The following PRX variants were observed in gnomAD, a reference collection of about 807,000 sequenced individuals.
The protein encoded by PRX is periaxin.
Under a neutral mutation model 29.6 loss-of-function variants are expected in PRX, and 24 were observed. The ratio of observed to expected loss-of-function variants is 0.81; its 90% CI spans 0.59 to 1.14. The LOEUF (loss-of-function observed/expected upper bound fraction) is 1.14. Ranked by LOEUF, PRX falls within the 50% of genes most tolerant of loss-of-function variation. The pLI is 0.00. For synonymous variants in PRX, 772 were observed against 831.7 expected, an observed-to-expected ratio of 0.93 and a Z score of 1.24; for missense variants, 1,838 against 1,926.4, an observed-to-expected ratio of 0.95 and a Z score of 0.86.
At position 40,394,013 on chromosome 19, in the gene PRX, C is replaced by A; in HGVS notation, c.4339G>T (p.Ala1447Ser). Residue 1447 changes from alanine to serine, a missense_variant, in exon 7 of 7, where the codon GCT (alanine) becomes TCT (serine). Coordinates refer to ENST00000324001, the MANE Select transcript of PRX (RefSeq NM_181882.3). The surrounding 1 kb of genome is among the most constrained non-coding windows in gnomAD (Gnocchi z 5.8). The stretch of plus-strand genomic sequence containing the variant: ...CCCTCCATCCTGGCCGGGCCTGGAG[C>A]CCCTGTCTCTGAAAACCCCACGCTG... Reference protein sequence around the residue: ...LPSVGFSETGAPGPARMEGAQ... With the variant: ...LPSVGFSETGSPGPARMEGAQ... The A allele has an allele frequency of 6.2e-7, 1 of 1,613,590 alleles. No homozygotes were observed. The highest frequency in any genetic ancestry group is 1.1e-5 in the South Asian group (1 of 91,076).
At chr19:40,410,922 CATA>C (rs1306152369) in intron 1 of PRX, among the ~76,000 whole-genome samples, 4 of 152,158 alleles carry the variant, frequency 2.6e-5, no homozygotes, top group African/African-American at 9.7e-5. Context: ...GCTGGACAAT[CATA>C]ATAACAACTG....
In PRX at chr19:40,397,035, T is replaced by C. The variant is rs748344923; in HGVS notation, c.1317A>G (p.Gly439=). 1 of 1,614,046 alleles carries C rather than the reference T, an allele frequency of 6.2e-7. No homozygotes were observed. The highest frequency in any genetic ancestry group is 2.2e-5 in the East Asian group (1 of 44,872). ...GAGCCTTGGGGAGCTTCACTTCAGGTCCCTTGGGCACCTTGACCTCGGGCC... is the reference window on the plus strand; with the variant it reads ...GAGCCTTGGGGAGCTTCACTTCAGGCCCCTTGGGCACCTTGACCTCGGGCC... ...VSGPEVKVPK[G]PEVKLPKAPE... is the part of the protein sequence containing the mutation. The change falls in exon 7 of 7, where the codon GGA becomes GGG. Residue 439 remains glycine (G), a synonymous_variant. Transcript: ENST00000324001.
Position 40,398,606 on chromosome 19 carries a change from C to T in PRX, c.381+14G>A. 3 of 1,612,630 alleles carry T rather than the reference C, an allele frequency of 1.9e-6. No individual in the cohort carries two copies. The highest frequency in any genetic ancestry group is 1.7e-6 in the Non-Finnish European group (2 of 1,179,692). ...GGGGCAGTCCAGGGCCGGGGCCGGG[C>T]TAAGCACGCGTACCAGCTTGGCCAC... is the stretch of plus-strand genomic sequence containing the variant. On this transcript the variant is annotated intron_variant, in intron 6 of 6. Coordinates refer to ENST00000324001, the MANE Select transcript of PRX (RefSeq NM_181882.3). This position sits in a 1 kb window ranked among gnomAD's most constrained non-coding sequence, Gnocchi z 6.3.
Position 40,395,740 on chromosome 19 carries a change from A to T in PRX, c.2612T>A (p.Val871Asp). 6.5e-7 allele frequency: 1 copy of T among 1,544,396 alleles called. No homozygotes were observed. The highest frequency in any genetic ancestry group is 2.4e-5 in the East Asian group (1 of 41,266). Residue 871 changes from valine to aspartate, a missense_variant, in exon 7 of 7, where the codon GTC (valine) becomes GAC (aspartate). Val to Asp is a radical substitution (Grantham distance 152). This residue lies in a region of PRX where 1,143 missense variants were observed against 1,193.0 expected (regional missense o/e 0.96). Coordinates refer to ENST00000324001, the MANE Select transcript of PRX (RefSeq NM_181882.3). The part of the protein sequence containing the change: ...LPGALGLQGQ[V>D]PAAKMGKGER... ...TCCCTTGCCCATTTTAGCGGCTGGG[A>T]CCTGCCCCTGCAGGCCAAGTGCTCC... is the stretch of plus-strand genomic sequence containing the variant.
Position 40,397,238 on chromosome 19 carries a change from C to T in PRX, c.1114G>A (p.Val372Ile). The change falls in exon 7 of 7, where the codon GTT (valine) becomes ATT (isoleucine). Residue 372 changes from valine to isoleucine, a missense_variant. Around this residue, in one of 3 missense-constraint regions of PRX, gnomAD observed 666 missense variants for 665.0 expected, o/e 1.00. Coordinates refer to ENST00000324001, the MANE Select transcript of PRX (RefSeq NM_181882.3). ...ACCTTGGCTACCTTGGCCTCAGCAA[C>T]TTCCTTTGCTCGAGCCCCAAATCGG... ...FPRFGARAKE[V>I]AEAKVAKVSP... 6.2e-7 allele frequency: 1 copy of T among 1,613,882 alleles called. No homozygotes were observed. The highest frequency in any genetic ancestry group is 8.5e-7 in the Non-Finnish European group (1 of 1,180,032).
At position 40,398,361 on chromosome 19, in the gene PRX, T is replaced by G. The variant is rs977311702; in HGVS notation, c.381+259A>C. The G allele has an allele frequency of 1.4e-6, 2 of 1,434,016 alleles. No individual in the cohort carries two copies. The highest frequency in any genetic ancestry group is 1.8e-6 in the Non-Finnish European group (2 of 1,099,066). 88.8% of individuals were successfully genotyped at this position (1,434,016 alleles called of 1,614,324 possible). On this transcript the variant is annotated intron_variant, in intron 6 of 6. Coordinates refer to ENST00000324001, the MANE Select transcript of PRX (RefSeq NM_181882.3). This position sits in a 1 kb window ranked among gnomAD's most constrained non-coding sequence, Gnocchi z 6.3. ...GCTTTCCTGGTTCGAAGTAGCCTGG[T>G]TCAGGACCCCTAGCAAGCCTGGATC...
intron 5 of PRX, among the ~76,000 whole-genome samples, chr19:40,402,079 T>A (rs1352623706): frequency 6.6e-6 from 1 of 152,012 alleles, no homozygotes; most frequent in Admixed American, 6.5e-5. Flanking sequence ...TAGGCCGGCC[T>A]CGGTGGCTCA....
rs762403848 is a variant in PRX at position 40,397,731 on chromosome 19, C to T, written c.621G>A (p.Leu207=). The part of the protein sequence containing the change: ...EVAEEAQAAR[L]AAAAPPPRKA... Reference sequence around the variant, plus strand: ...TCCTGGGGGGAGGAGCGGCGGCGGCCAGCCGGGCTGCCTGAGCCTCTTCGG... The same window carrying T: ...TCCTGGGGGGAGGAGCGGCGGCGGCTAGCCGGGCTGCCTGAGCCTCTTCGG... Residue 207 remains leucine, a synonymous_variant, in exon 7 of 7, where the codon CTG becomes CTA. Transcript: ENST00000324001. 6.4e-6 allele frequency: 10 copies of T among 1,561,202 alleles called. No homozygotes were observed. In the South Asian group the frequency reaches 1.1e-4, roughly 16 times the overall value.
intron 5 of PRX, among the ~76,000 whole-genome samples, chr19:40,402,270 C>G (rs1261958118): frequency 6.6e-6 from 1 of 151,256 alleles, no homozygotes; most frequent in East Asian, 2.0e-4. Context: ...AGGAGAATGG[C>G]GTGAACACGG....
intron 1 of PRX, among the ~76,000 whole-genome samples, chr19:40,411,147 C>T (rs11881681): frequency 0.055 from 8,408 of 152,190 alleles, 783 homozygotes; most frequent in African/African-American, 0.19. Flanking sequence ...CCGTGCCTGC[C>T]CTTCACCCCT....
In PRX at chr19:40,394,577, C is replaced by T. The variant is rs751742049; in HGVS notation, c.3775G>A (p.Glu1259Lys). ...TLGARARVGG[E>K]GAEEQPPGAE... Reference sequence around the variant, plus strand: ...CCTGGGGGCTGCTCCTCAGCACCCTCGCCCCCCACCCTAGCTCTGGCCCCC... The same window carrying T: ...CCTGGGGGCTGCTCCTCAGCACCCTTGCCCCCCACCCTAGCTCTGGCCCCC... Residue 1259 changes from glutamate to lysine, a missense_variant, in exon 7 of 7, where the codon GAG becomes AAG. Physicochemically the swap from Glu to Lys is moderately conservative, Grantham distance 56. Around this residue, in one of 3 missense-constraint regions of PRX, gnomAD observed 1,143 missense variants for 1,193.0 expected, o/e 0.96. Transcript: ENST00000324001. This position sits in a 1 kb window ranked among gnomAD's most constrained non-coding sequence, Gnocchi z 5.8. 117 of 1,608,762 alleles carry T rather than the reference C, an allele frequency of 7.3e-5. 1 individual carries two copies. The Admixed American group carries it at 1.0e-3, about 14-fold the overall frequency.
rs1417251724 is a variant in PRX, at chr19:40,397,185, G to T, written c.1167C>A (p.Pro389=). The T allele has an allele frequency of 6.2e-7, 1 of 1,614,010 alleles. No individual in the cohort carries two copies. The highest frequency in any genetic ancestry group is 8.5e-7 in the Non-Finnish European group (1 of 1,179,998). Residue 389 remains proline, a synonymous_variant, in exon 7 of 7, where the codon CCC becomes CCA. Coordinates refer to ENST00000324001, the MANE Select transcript of PRX (RefSeq NM_181882.3). ...GCCCAAAGGTGGGCATTCGAAGTCT[G>T]GGACCTTTCACCCTGGCCTCAGGGC... ...KVSPEARVKG[P]RLRMPTFGLS... is the part of the protein sequence containing the mutation.
rs1360336067 is a variant in PRX, at chr19:40,394,860, A to C, written c.3492T>G (p.Gly1164=). 1 of 1,612,178 alleles carries C rather than the reference A, an allele frequency of 6.2e-7. No homozygotes were observed. The highest frequency in any genetic ancestry group is 1.7e-5 in the Admixed American group (1 of 60,018). ...QVELTGFGEA[G]TPGQQAQSTV... ...TACTCTGAGCCTGCTGCCCTGGGGT[A>C]CCTGCCTCCCCAAAGCCGGTCAGCT... The change falls in exon 7 of 7, where the codon GGT becomes GGG. Residue 1164 remains glycine, a synonymous_variant. Transcript: ENST00000324001. This position sits in a 1 kb window ranked among gnomAD's most constrained non-coding sequence, Gnocchi z 5.8.
chr19:40,394,625 G>T lies in PRX; in HGVS notation c.3727C>A (p.Leu1243Met), dbSNP rs1489135408. The change falls in exon 7 of 7, where the codon CTG (leucine) becomes ATG (methionine). Residue 1243 changes from leucine to methionine, a missense_variant. Around this residue, in one of 3 missense-constraint regions of PRX, gnomAD observed 1,143 missense variants for 1,193.0 expected, o/e 0.96. Coordinates refer to ENST00000324001, the MANE Select transcript of PRX (RefSeq NM_181882.3). The surrounding 1 kb of genome is among the most constrained non-coding windows in gnomAD (Gnocchi z 5.8). Reference sequence around the variant, plus strand: ...CCCAGTGTGGGCAACTTCAGCCTCAGCCCACCCTCGCCTGTGGCCGCCTCG... The same window carrying T: ...CCCAGTGTGGGCAACTTCAGCCTCATCCCACCCTCGCCTGTGGCCGCCTCG... The part of the protein sequence containing the change: ...AGEAATGEGG[L>M]RLKLPTLGAR... 1 of 1,607,162 alleles carries T rather than the reference G, an allele frequency of 6.2e-7. No homozygotes were observed. Among genetic ancestry groups the T allele is most frequent in the Non-Finnish European group, 8.5e-7 (1 of 1,179,496 alleles).
At chr19:40,402,188 T>C (rs1416266179) in intron 5 of PRX, among the ~76,000 whole-genome samples, 1 of 150,752 alleles carries the variant, frequency 6.6e-6, no homozygotes, top group Non-Finnish European at 1.5e-5. Flanking sequence ...CCGTCTCTAC[T>C]AAAAATACAA....
chr19:40,396,662 C>G lies in PRX; in HGVS notation c.1690G>C (p.Val564Leu). The G allele has an allele frequency of 1.2e-6, 2 of 1,614,142 alleles. No homozygotes were observed. The highest frequency in any genetic ancestry group is 1.7e-6 in the Non-Finnish European group (2 of 1,180,010). Residue 564 changes from valine (V) to leucine (L), a missense_variant, in exon 7 of 7, where the codon GTG becomes CTG. Around this residue, in one of 3 missense-constraint regions of PRX, gnomAD observed 1,143 missense variants for 1,193.0 expected, o/e 0.96. Transcript: ENST00000324001. ...MKLPEVSEVA[V>L]PEVRLPEVQL... ...ACCTCTGGAAGCCGCACCTCTGGCA[C>G]AGCCACCTCTGACACCTCTGGGAGT...
At chr19:40,403,474 C>T (rs1319999772) in intron 5 of PRX, among the ~76,000 whole-genome samples, 2 of 152,158 alleles carry the variant, frequency 1.3e-5, no homozygotes, top group Non-Finnish European at 2.9e-5. Context: ...AAAACTGAGG[C>T]ACAGAAAGAT....
At chr19:40,402,632 G>A (rs764687341) in intron 5 of PRX, among the ~76,000 whole-genome samples, 21 of 151,550 alleles carry the variant, frequency 1.4e-4, no homozygotes, top group Non-Finnish European at 1.8e-4. Context: ...TTAGCCGGGC[G>A]TGGTTGTGGG....
chr19:40,398,936 A>G lies in PRX; in HGVS notation c.185-120T>C. 6.5e-7 allele frequency: 1 copy of G among 1,538,148 alleles called. No homozygotes were observed. The highest frequency in any genetic ancestry group is 8.8e-7 in the Non-Finnish European group (1 of 1,142,274). On this transcript the variant is annotated intron_variant, in intron 5 of 6. Transcript: ENST00000324001. This position sits in a 1 kb window ranked among gnomAD's most constrained non-coding sequence, Gnocchi z 6.3. ...CCCGCCCCAAATTTTAGTTTCTCCA[A>G]TCCCCAGCGCAGGATTAAGTCGCAG...
Sources: allele counts gnomAD v4.1 joint callset (sites outside exome capture counted in the v4.1 genomes callset), GRCh38; gene constraint gnomAD v4.1.1; regional missense constraint gnomAD v4.1.1; non-coding constraint Gnocchi (gnomAD v3.1); transcripts MANE v1.5; gene names NCBI Gene and HGNC (gene_info 2026-07-23, HGNC 2026-07-21).